TAF15: variants seen among roughly 807,000 people sequenced by gnomAD.
TAF15 encodes the protein TATA-box binding protein associated factor 15, also known as TATA-binding protein-associated factor 2N.
A neutral mutation model predicts 102.5 loss-of-function variants in TAF15; 37 were observed. The ratio of observed to expected loss-of-function variants is 0.36; its 90% CI spans 0.28 to 0.47. The LOEUF (loss-of-function observed/expected upper bound fraction) is 0.47, where lower values mean the gene tolerates loss of function less well. Among genes scored for constraint, TAF15 ranks in the 20% least tolerant of loss-of-function variants. The pLI is 0.99. For synonymous variants in TAF15, 273 were observed against 259.2 expected (o/e 1.05, Z -0.51); for missense variants, 652 against 760.7 (o/e 0.86, Z 1.68).
At chr17:35,820,542 TAAAGGAA>T in intron 5 of TAF15, 105 bp downstream of exon 5, 2 of 965,178 alleles carry the variant, frequency 2.1e-6, no homozygotes, top group Non-Finnish European at 3.1e-6. Context: ...TTTTTTTTTT[TAAAGGAA>T]ATTTTAATGG....
intron 7 of TAF15, 77 bp downstream of exon 7, chr17:35,824,275 T>A: frequency 1.3e-6 from 2 of 1,558,212 alleles, no homozygotes; most frequent in Non-Finnish European, 1.7e-6. Flanking sequence ...CTTGGCTGGA[T>A]CAATTCCAGC....
chr17:35,838,396 A>C (rs752044277), intron 10 of TAF15, 28 bp from the exon 11 acceptor site: 2 of 1,613,718 alleles, frequency 1.2e-6, no homozygotes, highest in Non-Finnish European at 1.7e-6. Flanking sequence ...TAAAAATGCT[A>C]ACACCAAGTG....
intron 11 of TAF15, among the ~76,000 whole-genome samples, chr17:35,840,474 C>T (rs549520449): frequency 1.9e-4 from 29 of 150,144 alleles, no homozygotes; most frequent in Non-Finnish European, 4.0e-4. Context: ...GGATGGTCTC[C>T]ATCTCCTGAC....
rs189871102 is a variant in TAF15 at position 35,829,872 on chromosome 17, G to C, written c.606-4035G>C. Among the ~76,000 whole-genome samples, 231 of 152,086 alleles carry C rather than the reference G, an allele frequency of 1.5e-3. 1 individual carries two copies. Among genetic ancestry groups the C allele is most frequent in the African/African-American group, 5.0e-3 (206 of 41,488 alleles). Reference sequence around the variant, plus strand: ...AATATGCAACTGGCTGGGCACATTGGCTCACGCCTGTAATCCCAGCAATTT... The same window carrying C: ...AATATGCAACTGGCTGGGCACATTGCCTCACGCCTGTAATCCCAGCAATTT... On this transcript the variant is annotated intron_variant, in intron 7 of 15. Coordinates refer to ENST00000605844, the MANE Select transcript of TAF15 (RefSeq NM_139215.3).
chr17:35,817,869 A>G (rs2087213256), intron 2 of TAF15, 114 bp downstream of exon 2: 1 of 930,122 alleles, frequency 1.1e-6, no homozygotes, highest in Admixed American at 1.8e-5. Flanking sequence ...TTAGCTTGTC[A>G]CAGAGTGAAG....
At chr17:35,829,305 G>A (rs944864250) in intron 7 of TAF15, among the ~76,000 whole-genome samples, 3 of 151,260 alleles carry the variant, frequency 2.0e-5, no homozygotes, top group African/African-American at 4.8e-5. Flanking sequence ...ATATAGTTAG[G>A]TTTTTATTTT....
At chr17:35,837,217 TCA>T (rs1183412736) in intron 10 of TAF15, among the ~76,000 whole-genome samples, 5 of 152,130 alleles carry the variant, frequency 3.3e-5, no homozygotes, top group African/African-American at 1.2e-4. Flanking sequence ...AGTGGCATAA[TCA>T]TGGGTCACTG....
At position 35,812,583 on chromosome 17, in the gene TAF15, C is replaced by CAAAA. The variant is rs34497840; in HGVS notation, c.7+3027_7+3030dup. ...CTGGGGAACAAGAGAAACTCTATCTCAAAAAAAAAAAAAAAAAAAAAAACC... is the reference window on the plus strand; with the variant it reads ...CTGGGGAACAAGAGAAACTCTATCTCAAAAAAAAAAAAAAAAAAAAAAAAAAACC... On this transcript the variant is annotated intron_variant, in intron 1 of 15. Transcript: ENST00000605844. 5.0e-3 allele frequency among the ~76,000 whole-genome samples: 330 copies of CAAAA among 66,208 alleles called. 2 individuals are homozygous for CAAAA. Among genetic ancestry groups the CAAAA allele is most frequent in the African/African-American group, 0.013 (238 of 17,798 alleles). The allele number at this position is 66,208 out of a possible 152,430, so 43.4% of individuals were successfully genotyped here. A position where few individuals can be genotyped will look rare whatever the true frequency, so the allele number is the denominator to read the frequency against.
chr17:35,814,427 C>T (rs1427097087), intron 1 of TAF15, among the ~76,000 whole-genome samples: 1 of 151,936 alleles, frequency 6.6e-6, no homozygotes, highest in Non-Finnish European at 1.5e-5. Context: ...CTCAGCCTCC[C>T]AAAGTGCTGG....
chr17:35,810,720 G>A (rs2087115113), intron 1 of TAF15: 1 of 152,174 alleles, frequency 6.6e-6, no homozygotes, highest in African/African-American at 2.4e-5. Context: ...AAAAAACCCA[G>A]GTACCCGGTC....
intron 7 of TAF15, among the ~76,000 whole-genome samples, chr17:35,829,393 G>T (rs2087370399): frequency 1.3e-5 from 2 of 150,990 alleles, no homozygotes; most frequent in South Asian, 2.1e-4. Context: ...AGCACTTTGG[G>T]AGGCCGAGAC....
chr17:35,817,049 G>A (rs1019537898), intron 1 of TAF15: 6 of 151,936 alleles, frequency 3.9e-5, no homozygotes, highest in Non-Finnish European at 8.8e-5. Flanking sequence ...CAAGCCATCT[G>A]CCTGCCTCAG....
rs201444784 is a variant in TAF15, at chr17:35,844,271, C to A, written c.1089-9C>A. 3 of 1,614,076 alleles carry A rather than the reference C, an allele frequency of 1.9e-6. No individual in the cohort carries two copies. Among genetic ancestry groups the A allele is most frequent in the East Asian group, 2.2e-5 (1 of 44,884 alleles). The stretch of plus-strand genomic sequence containing the variant: ...TATATAGGAGCATTATATTTTCCTC[C>A]TTTCTTAGGTCATGCGGAAATATGA... On this transcript the variant is annotated splice_polypyrimidine_tract_variant and intron_variant, in intron 13 of 15. Transcript: ENST00000605844.
chr17:35,844,759 G>T lies in TAF15; in HGVS notation c.1460G>T (p.Gly487Val). ...GGYGGDRGGY[G>V]GDRGGGYGGD... Reference sequence around the variant, plus strand: ...TATGGAGGAGATCGAGGTGGCTATGGAGGAGACCGAGGTGGAGGCTATGGT... The same window carrying T: ...TATGGAGGAGATCGAGGTGGCTATGTAGGAGACCGAGGTGGAGGCTATGGT... Residue 487 changes from glycine to valine, a missense_variant, in exon 15 of 16, where the codon GGA becomes GTA. Coordinates refer to ENST00000605844, the MANE Select transcript of TAF15 (RefSeq NM_139215.3). The T allele has an allele frequency of 1.2e-6, 2 of 1,612,516 alleles. No homozygotes were observed. The highest frequency in any genetic ancestry group is 1.3e-5 in the African/African-American group (1 of 74,952).
At chr17:35,829,965 C>T (rs1190225257) in intron 7 of TAF15, 3 of 152,042 alleles carry the variant, frequency 2.0e-5, no homozygotes, top group African/African-American at 7.3e-5. Flanking sequence ...CATGGTGAAA[C>T]CCCGTCTCTA....
At chr17:35,825,055 C>T (rs2087309073) in intron 7 of TAF15, among the ~76,000 whole-genome samples, 1 of 152,154 alleles carries the variant, frequency 6.6e-6, no homozygotes, top group Admixed American at 6.5e-5. Context: ...TGGCCCGTTA[C>T]AGAAACTTAT....
intron 5 of TAF15, among the ~76,000 whole-genome samples, chr17:35,822,218 G>C (rs1322410250): frequency 6.6e-6 from 1 of 151,834 alleles, no homozygotes; most frequent in Non-Finnish European, 1.5e-5. Flanking sequence ...GCACATGCCT[G>C]TAATCTGAGC....
intron 7 of TAF15, among the ~76,000 whole-genome samples, chr17:35,828,511 A>G (rs1305489019): frequency 6.6e-6 from 1 of 152,126 alleles, no homozygotes; most frequent in African/African-American, 2.4e-5. Flanking sequence ...AGGCAAGAGG[A>G]TTGCTTGAGG....
chr17:35,817,864 T>C, intron 2 of TAF15, 109 bp downstream of exon 2: 1 of 961,118 alleles, frequency 1.0e-6, no homozygotes, highest in Non-Finnish European at 1.7e-6. Context: ...AAATATTAGC[T>C]TGTCACAGAG....
Sources: allele counts gnomAD v4.1 joint callset (sites outside exome capture counted in the v4.1 genomes callset), GRCh38; gene constraint gnomAD v4.1.1; transcripts MANE v1.5; gene names NCBI Gene and HGNC (gene_info 2026-07-23, HGNC 2026-07-21).